Variants in UBTD1 observed in about 807,000 individuals in gnomAD.
UBTD1 encodes the protein ubiquitin domain-containing protein 1.
In UBTD1, 19 loss-of-function variants were observed where a neutral mutation model predicts 21.7. The observed-to-expected ratio is 0.87, with a 90% CI of 0.61 to 1.28. The LOEUF (loss-of-function observed/expected upper bound fraction) is 1.28, where lower values mean the gene tolerates loss of function less well. Ranked by LOEUF, UBTD1 falls within the 50% of genes most tolerant of loss-of-function variation. UBTD1 has a pLI of 0.00. For synonymous variants in UBTD1, 116 were observed against 135.1 expected (o/e 0.86, Z 0.98); for missense variants, 282 against 315.1 (o/e 0.89, Z 0.80).
rs1191796435 is a variant in UBTD1 at position 97,531,790 on chromosome 10, AG to A, written c.70+32519del. The stretch of plus-strand genomic sequence containing the variant: ...TTGGAAACTGTGATAAACAGTTCCT[AG>A]GCCCACAACAGTCTCCCCTGTGGTT... On this transcript the variant is annotated intron_variant, in intron 1 of 2. Transcript: ENST00000370664. Among the ~76,000 whole-genome samples the A allele has an allele frequency of 3.9e-5, 6 of 152,310 alleles. No homozygotes were observed. The East Asian group carries it at 1.2e-3, about 29-fold the overall frequency.
chr10:97,519,233 A>G (rs2040457022), intron 1 of UBTD1, among the ~76,000 whole-genome samples: 1 of 152,234 alleles, frequency 6.6e-6, no homozygotes, highest in Non-Finnish European at 1.5e-5. Flanking sequence ...CCAAACAGCA[A>G]AAAGAACTTT....
chr10:97,525,043 A>G (rs1572861), intron 1 of UBTD1, among the ~76,000 whole-genome samples: 1 of 152,160 alleles, frequency 6.6e-6, no homozygotes, highest in Non-Finnish European at 1.5e-5. Flanking sequence ...GATGGAGAGT[A>G]TTTTCACTTG....
At chr10:97,508,118 A>G (rs1045425275) in intron 1 of UBTD1, among the ~76,000 whole-genome samples, 2 of 152,212 alleles carry the variant, frequency 1.3e-5, no homozygotes, top group African/African-American at 4.8e-5. Context: ...CAACCACCCT[A>G]TGGGTGGATT....
chr10:97,518,812 A>G (rs2040455244), intron 1 of UBTD1, among the ~76,000 whole-genome samples: 1 of 152,242 alleles, frequency 6.6e-6, no homozygotes, highest in Non-Finnish European at 1.5e-5. Context: ...AAATAAGCAC[A>G]ATAAGGCTAA....
rs1279324563 is a variant in UBTD1, at chr10:97,499,011, C to T, written c.-193C>T. 1.6e-6 allele frequency: 1 copy of T among 612,148 alleles called. No individual in the cohort carries two copies. Among genetic ancestry groups the T allele is most frequent in the Non-Finnish European group, 2.7e-6 (1 of 370,372 alleles). The allele number at this position is 612,148 out of a possible 1,614,324, so 37.9% of individuals were successfully genotyped here. A position where few individuals can be genotyped will look rare whatever the true frequency, so the allele number is the denominator to read the frequency against. On this transcript the variant is annotated 5_prime_UTR_variant, in exon 1 of 3. Transcript: ENST00000370664. ...GCCACCTGGGACCGTGCTGGGGAGT[C>T]TGCCACTTCCCTCTCTCCCCTGGCC...
intron 1 of UBTD1, among the ~76,000 whole-genome samples, chr10:97,559,995 T>A (rs983583331): frequency 2.0e-5 from 3 of 152,210 alleles, no homozygotes; most frequent in African/African-American, 7.2e-5. Context: ...CTGTTTTTTT[T>A]AATAGTCTTC....
chr10:97,554,262 T>C lies in UBTD1; in HGVS notation c.71-13652T>C, dbSNP rs1300939153. ...GTTTGTTTTCGTTTTTTTTTTTTTT[T>C]CTGAGATGGAGTCTCACTCTTGTCA... On this transcript the variant is annotated intron_variant, in intron 1 of 2. Transcript: ENST00000370664. 7.1e-4 allele frequency among the ~76,000 whole-genome samples: 107 copies of C among 150,986 alleles called. 1 individual carries two copies. The highest frequency in any genetic ancestry group is 6.8e-3 in the Middle Eastern group (2 of 294).
intron 1 of UBTD1, among the ~76,000 whole-genome samples, chr10:97,554,741 G>C (rs1477850780): frequency 1.3e-5 from 2 of 151,928 alleles, no homozygotes; most frequent in Non-Finnish European, 2.9e-5. Context: ...TTGTAGAGAC[G>C]AGTGGTCTTG....
chr10:97,509,572 G>T (rs1299565900), intron 1 of UBTD1, among the ~76,000 whole-genome samples: 1 of 152,098 alleles, frequency 6.6e-6, no homozygotes, highest in African/African-American at 2.4e-5. Flanking sequence ...GTCCTCCCTG[G>T]TCACCTTCTG....
intron 1 of UBTD1, among the ~76,000 whole-genome samples, chr10:97,500,899 T>C (rs1051491716): frequency 1.3e-5 from 2 of 152,238 alleles, no homozygotes; most frequent in Non-Finnish European, 2.9e-5. Context: ...CACTGTGATA[T>C]AGATATTCCC....
intron 1 of UBTD1, among the ~76,000 whole-genome samples, chr10:97,558,034 C>T (rs1391367225): frequency 6.6e-6 from 1 of 152,144 alleles, no homozygotes; most frequent in African/African-American, 2.4e-5. Flanking sequence ...CATGCTTCGG[C>T]CGTGCGTGGA....
chr10:97,570,433 C>G lies in UBTD1; in HGVS notation c.594C>G (p.Leu198=), dbSNP rs944212984. 1 of 1,613,220 alleles carries G rather than the reference C, an allele frequency of 6.2e-7. No homozygotes were observed. The highest frequency in any genetic ancestry group is 1.3e-5 in the African/African-American group (1 of 74,932). Residue 198 remains leucine (L), a synonymous_variant, in exon 3 of 3, where the codon CTC becomes CTG. Transcript: ENST00000370664. This position sits in a 1 kb window ranked among gnomAD's most constrained non-coding sequence, Gnocchi z 6.6. The stretch of plus-strand genomic sequence containing the variant: ...GGTGGTTCTTCTCCGGGAAGCTGCT[C>G]ACAGACCGCACACGGCTCCAGGAGA... The part of the protein sequence containing the change: ...WQRWFFSGKL[L]TDRTRLQETK...
chr10:97,509,564 C>A (rs1275054394), intron 1 of UBTD1, among the ~76,000 whole-genome samples: 1 of 152,174 alleles, frequency 6.6e-6, no homozygotes, highest in African/African-American at 2.4e-5. Context: ...CCTCCCTAGT[C>A]CTCCCTGGTC....
chr10:97,528,764 C>G (rs1320453071), intron 1 of UBTD1, among the ~76,000 whole-genome samples: 1 of 117,478 alleles, frequency 8.5e-6, no homozygotes, highest in Non-Finnish European at 1.8e-5. Flanking sequence ...GCTGGCCGGG[C>G]GGGGGGCTGA....
In UBTD1 at chr10:97,545,387, C is replaced by CGTGTGGGG. The variant is rs141608116; in HGVS notation, c.71-22522_71-22521insGGGGTGTG. ...TCTATTCTCTGGTAAGTATGGGGCT[C>CGTGTGGGG]GTGTGTGTGTGTGTGTGTGTGTGGG... is the stretch of plus-strand genomic sequence containing the variant. On this transcript the variant is annotated intron_variant, in intron 1 of 2. Coordinates refer to ENST00000370664, the MANE Select transcript of UBTD1 (RefSeq NM_024954.5). 5.3e-3 allele frequency among the ~76,000 whole-genome samples: 644 copies of CGTGTGGGG among 120,740 alleles called. 4 individuals are homozygous for CGTGTGGGG. Among genetic ancestry groups the CGTGTGGGG allele is most frequent in the Admixed American group, 7.2e-3 (92 of 12,790 alleles). 79.2% of individuals were successfully genotyped at this position (120,740 alleles called of 152,430 possible).
intron 1 of UBTD1, among the ~76,000 whole-genome samples, chr10:97,500,353 G>A (rs2135648718): frequency 6.6e-6 from 1 of 152,360 alleles, no homozygotes; most frequent in South Asian, 2.1e-4. Flanking sequence ...CGGAAACTGG[G>A]AAGGAAGATG....
chr10:97,557,624 T>C lies in UBTD1; in HGVS notation c.71-10290T>C, dbSNP rs138107971. Among the ~76,000 whole-genome samples the C allele has an allele frequency of 3.9e-3, 601 of 152,286 alleles. 9 individuals are homozygous for C. Among genetic ancestry groups the C allele is most frequent in the African/African-American group, 0.014 (569 of 41,550 alleles). On this transcript the variant is annotated intron_variant, in intron 1 of 2. Transcript: ENST00000370664. Reference sequence around the variant, plus strand: ...CCTATTCTATGCTGCTTACTATCAATAGTGGCACAAGCATCAAATTTTAAG... The same window carrying C: ...CCTATTCTATGCTGCTTACTATCAACAGTGGCACAAGCATCAAATTTTAAG...
At chr10:97,530,609 G>T (rs1353692463) in intron 1 of UBTD1, among the ~76,000 whole-genome samples, 5 of 152,112 alleles carry the variant, frequency 3.3e-5, no homozygotes, top group African/African-American at 9.7e-5. Flanking sequence ...CTAGGGAAGA[G>T]GGGGCACAGG....
At chr10:97,528,119 C>T (rs1235061744) in intron 1 of UBTD1, among the ~76,000 whole-genome samples, 3 of 121,690 alleles carry the variant, frequency 2.5e-5, no homozygotes, top group Non-Finnish European at 5.5e-5. Flanking sequence ...GCTGGCCGGG[C>T]GGGGGGCTGA....
Sources: gnomAD v4.1 joint callset for allele counts (sites outside exome capture counted in the v4.1 genomes callset) on GRCh38, gnomAD v4.1.1 for gene constraint, Gnocchi (gnomAD v3.1) non-coding constraint, MANE v1.5 for transcripts, NCBI Gene and HGNC (gene_info 2026-07-23, HGNC 2026-07-21) for gene names.